FSTL4: variants seen among roughly 807,000 people sequenced by gnomAD.
The protein encoded by FSTL4 is follistatin like 4.
Under a neutral mutation model 78.2 loss-of-function variants are expected in FSTL4, and 28 were observed. That is an observed-to-expected ratio of 0.36 (90% CI 0.27 to 0.49). The LOEUF is 0.49. Among genes scored for constraint, FSTL4 ranks in the 20% least tolerant of loss-of-function variants. The pLI is 0.98. For missense variants in FSTL4, 922 were observed against 1,084.9 expected, an observed-to-expected ratio of 0.85 and a Z score of 2.11; for synonymous variants, 422 against 440.5, an observed-to-expected ratio of 0.96 and a Z score of 0.53.
chr5:133,517,609 T>TGG (rs1491344350), intron 3 of FSTL4, among the ~76,000 whole-genome samples: 2 of 23,774 alleles, frequency 8.4e-5, no homozygotes, highest in Non-Finnish European at 2.0e-4. Flanking sequence ...TAGAACTAAT[T>TGG]GTGTGTGTGT....
chr5:133,232,243 C>G (rs1751514947), intron 8 of FSTL4, among the ~76,000 whole-genome samples: 1 of 152,188 alleles, frequency 6.6e-6, no homozygotes, highest in African/African-American at 2.4e-5. Context: ...GAAGTAGTTG[C>G]TGGAATGGTT....
chr5:133,314,178 G>T (rs1004913467), intron 5 of FSTL4, among the ~76,000 whole-genome samples: 1 of 152,190 alleles, frequency 6.6e-6, no homozygotes, highest in Admixed American at 6.5e-5. Context: ...TTGAGGAATT[G>T]CCAGGTGGTT....
intron 4 of FSTL4, among the ~76,000 whole-genome samples, chr5:133,331,725 TTGACAGTAAA>T: frequency 6.6e-6 from 1 of 152,320 alleles, no homozygotes; most frequent in East Asian, 1.9e-4. Flanking sequence ...ACTTGAACGA[TTGACAGTAAA>T]TCCCTGGTCA....
chr5:133,804,995 C>T, the FSTL4 span, among the ~76,000 whole-genome samples: 575 of 151,360 alleles, frequency 3.8e-3, 2 homozygotes, highest in East Asian at 0.025. Context: ...CTCTTCACAG[C>T]CCCTCAGGCA....
chr5:133,722,152 T>C, the FSTL4 span, among the ~76,000 whole-genome samples: 6 of 151,956 alleles, frequency 3.9e-5, no homozygotes, highest in East Asian at 1.2e-3. Flanking sequence ...AGGAGGTGAG[T>C]GAGTAGTACG....
the FSTL4 span, among the ~76,000 whole-genome samples, chr5:133,673,833 A>T: frequency 6.6e-6 from 1 of 152,266 alleles, no homozygotes; most frequent in Middle Eastern, 3.4e-3. Context: ...GCTGTAATGG[A>T]GGGACAAAAG....
At chr5:133,723,022 G>T in the FSTL4 span, among the ~76,000 whole-genome samples, 1 of 152,188 alleles carries the variant, frequency 6.6e-6, no homozygotes, top group Non-Finnish European at 1.5e-5. Context: ...ATTTCTCTTG[G>T]TGTTGGGTCT....
the FSTL4 span, among the ~76,000 whole-genome samples, chr5:133,777,140 T>C: frequency 2.6e-5 from 4 of 152,114 alleles, no homozygotes; most frequent in East Asian, 7.7e-4. Flanking sequence ...CAAATAGATA[T>C]CACTTTTAAA....
intron 2 of FSTL4, among the ~76,000 whole-genome samples, chr5:133,593,449 C>T (rs1760673205): frequency 6.6e-6 from 1 of 152,072 alleles, no homozygotes; most frequent in Non-Finnish European, 1.5e-5. Context: ...AGGTTCTGGA[C>T]ACCAGAGGGC....
At chr5:133,601,567 T>TG (rs1006011702) in intron 2 of FSTL4, among the ~76,000 whole-genome samples, 9 of 152,086 alleles carry the variant, frequency 5.9e-5, no homozygotes, top group African/African-American at 2.2e-4. Flanking sequence ...GGCAGGGGCA[T>TG]GGGGGTGCAT....
At chr5:133,559,544 G>A (rs1345529785) in intron 3 of FSTL4, among the ~76,000 whole-genome samples, 1 of 152,160 alleles carries the variant, frequency 6.6e-6, no homozygotes, top group Non-Finnish European at 1.5e-5. Flanking sequence ...TTGGTCCTTA[G>A]GAATGTGCAG....
intron 3 of FSTL4, among the ~76,000 whole-genome samples, chr5:133,488,546 A>AC (rs1561736937): frequency 2.6e-5 from 4 of 152,150 alleles, no homozygotes; most frequent in Non-Finnish European, 5.9e-5. Context: ...GAGCCACTGC[A>AC]CCCAGCCAAG....
intron 3 of FSTL4, among the ~76,000 whole-genome samples, chr5:133,414,088 T>C (rs1008224919): frequency 2.0e-5 from 3 of 152,226 alleles, no homozygotes. Flanking sequence ...TTTTGAGATA[T>C]AGTTTGGATA....
At position 133,286,770 on chromosome 5, in the gene FSTL4, G is replaced by A. The variant is rs139306833; in HGVS notation, c.727+25884C>T. ...AACAAGCAGATCAGCCTTCTTTGCT[G>A]CTTTTTGGAAACAATTTTGTTTCTC... On this transcript the variant is annotated intron_variant, in intron 6 of 15. Transcript: ENST00000265342. 1.7e-4 allele frequency among the ~76,000 whole-genome samples: 26 copies of A among 152,302 alleles called. No individual in the cohort carries two copies. The East Asian group carries it at 5.0e-3, about 29-fold the overall frequency.
the FSTL4 span, among the ~76,000 whole-genome samples, chr5:133,654,206 C>G: frequency 0.12 from 18,374 of 152,264 alleles, 1,212 homozygotes; most frequent in Admixed American, 0.23. Context: ...ACGGTGAAAC[C>G]AGAGTGCTTC....
chr5:133,750,873 T>C, the FSTL4 span, among the ~76,000 whole-genome samples: 1 of 152,132 alleles, frequency 6.6e-6, no homozygotes, highest in Non-Finnish European at 1.5e-5. Context: ...CACTGATCTA[T>C]GCTGACCAAG....
chr5:133,437,487 T>TTG (rs1757059185), intron 3 of FSTL4, among the ~76,000 whole-genome samples: 1 of 128,340 alleles, frequency 7.8e-6, no homozygotes, highest in Non-Finnish European at 1.7e-5. Context: ...AAATAGGTGT[T>TTG]TTTTTTTTTT....
chr5:133,797,822 G>C, the FSTL4 span, among the ~76,000 whole-genome samples: 9 of 152,186 alleles, frequency 5.9e-5, no homozygotes, highest in African/African-American at 2.2e-4. Context: ...GCAGCGCTTT[G>C]CTCCCCAAAC....
the FSTL4 span, among the ~76,000 whole-genome samples, chr5:133,742,625 G>A: frequency 1.3e-5 from 2 of 152,218 alleles, no homozygotes; most frequent in South Asian, 2.1e-4. Flanking sequence ...AGCTCTCGGA[G>A]GGCTGACCCT....
Sources: allele counts gnomAD v4.1 joint callset (sites outside exome capture counted in the v4.1 genomes callset), GRCh38; gene constraint gnomAD v4.1.1; transcripts MANE v1.5; gene names NCBI Gene and HGNC (gene_info 2026-07-23, HGNC 2026-07-21).